Variants in LNPEP observed in about 807,000 individuals in gnomAD.
LNPEP encodes the protein leucyl-cystinyl aminopeptidase.
Under a neutral mutation model 120.6 loss-of-function variants are expected in LNPEP, and 64 were observed. That is an observed-to-expected ratio of 0.53 (90% CI 0.43 to 0.65). The LOEUF is 0.65. Among genes scored for constraint, LNPEP ranks in the 30% least tolerant of loss-of-function variants. The probability of loss-of-function intolerance (pLI) is 0.00; values close to 1 mark genes in which losing one functional copy is unlikely to be tolerated. For synonymous variants in LNPEP, 435 were observed against 425.4 expected, an observed-to-expected ratio of 1.02 and a Z score of -0.28; for missense variants, 1,057 against 1,200.0, an observed-to-expected ratio of 0.88 and a Z score of 1.76.
At chr5:96,983,074 G>C (rs997926579) in intron 2 of LNPEP, among the ~76,000 whole-genome samples, 7 of 152,140 alleles carry the variant, frequency 4.6e-5, no homozygotes, top group Admixed American at 3.3e-4. Flanking sequence ...AAGGACGTTG[G>C]GATGTATGAG....
intron 13 of LNPEP, among the ~76,000 whole-genome samples, 183 bp downstream of exon 13, chr5:97,015,278 T>C (rs1218942868): frequency 2.6e-5 from 4 of 152,258 alleles, no homozygotes; most frequent in Admixed American, 2.6e-4. Flanking sequence ...GATAAAGGCT[T>C]AGTATGATAT....
intron 1 of LNPEP, among the ~76,000 whole-genome samples, chr5:96,970,453 A>G (rs932137627): frequency 2.0e-5 from 3 of 152,002 alleles, no homozygotes; most frequent in Non-Finnish European, 4.4e-5. Context: ...CAGACAGTGT[A>G]TATAGTTGTT....
intron 11 of LNPEP, among the ~76,000 whole-genome samples, chr5:97,010,025 G>C (rs1414808103): frequency 6.6e-6 from 1 of 152,020 alleles, no homozygotes; most frequent in Non-Finnish European, 1.5e-5. Flanking sequence ...CATTAGTTCA[G>C]TTGTATATAA....
intron 1 of LNPEP, among the ~76,000 whole-genome samples, chr5:96,975,822 C>A (rs1581996926): frequency 6.6e-6 from 1 of 152,242 alleles, no homozygotes; most frequent in South Asian, 2.1e-4. Flanking sequence ...CACACTTTTG[C>A]ACATTGGCAC....
intron 16 of LNPEP, 96 bp from the exon 17 acceptor site, chr5:97,027,637 T>G (rs1393994774): frequency 1.7e-5 from 13 of 758,416 alleles, no homozygotes; most frequent in Non-Finnish European, 2.7e-5. Flanking sequence ...AGGATTCCAC[T>G]CTGGCTTTGG....
chr5:96,941,380 A>T (rs1331092623), intron 1 of LNPEP, among the ~76,000 whole-genome samples: 2 of 152,192 alleles, frequency 1.3e-5, no homozygotes, highest in Non-Finnish European at 2.9e-5. Context: ...GGGTTGGGCA[A>T]ACCTACTGTA....
chr5:96,964,604 A>G (rs1581989219), intron 1 of LNPEP, among the ~76,000 whole-genome samples: 1 of 152,010 alleles, frequency 6.6e-6, no homozygotes, highest in African/African-American at 2.4e-5. Context: ...TTTTTTTGCT[A>G]TGTAAACTAT....
chr5:96,991,491 T>C (rs1451688286), intron 4 of LNPEP, among the ~76,000 whole-genome samples: 1 of 152,202 alleles, frequency 6.6e-6, no homozygotes, highest in African/African-American at 2.4e-5. Context: ...TTTTTTTGGT[T>C]ATGGCCATTT....
intron 1 of LNPEP, among the ~76,000 whole-genome samples, chr5:96,954,770 ATATTTTTTTT>A (rs1789418343): frequency 1.4e-4 from 4 of 29,486 alleles, no homozygotes; most frequent in East Asian, 1.0e-3. Flanking sequence ...ATATATATAT[ATATTTTTTTT>A]TTTTTTTTTT....
intron 4 of LNPEP, among the ~76,000 whole-genome samples, chr5:96,988,006 T>C (rs1790281695): frequency 6.6e-6 from 1 of 152,222 alleles, no homozygotes; most frequent in Non-Finnish European, 1.5e-5. Flanking sequence ...AATCATTCCC[T>C]CTCTGATCTT....
At chr5:96,958,158 G>T (rs562292197) in intron 1 of LNPEP, among the ~76,000 whole-genome samples, 28 of 152,310 alleles carry the variant, frequency 1.8e-4, no homozygotes, top group African/African-American at 6.3e-4. Context: ...TGTGTGTTTT[G>T]CTTCAGCAAG....
Position 97,030,569 on chromosome 5 carries a change from AT to A in LNPEP, c.*2037del, listed in dbSNP as rs1791447305. 6.6e-6 allele frequency: 1 copy of A among 151,526 alleles called. No individual in the cohort carries two copies. The highest frequency in any genetic ancestry group is 1.5e-5 in the Non-Finnish European group (1 of 67,946). The allele number at this position is 151,526 out of a possible 1,614,324, so 9.4% of individuals were successfully genotyped here. Reference sequence around the variant, plus strand: ...TAATGTATGTTAGTTAACTCTGCATATGGCAAATCTTGTCTTGAATTATATC... The same window carrying A: ...TAATGTATGTTAGTTAACTCTGCATAGGCAAATCTTGTCTTGAATTATATC... On this transcript the variant is annotated 3_prime_UTR_variant, in exon 18 of 18. Coordinates refer to ENST00000231368, the MANE Select transcript of LNPEP (RefSeq NM_005575.3).
At chr5:96,954,661 TATATACATATATACAC>T (rs1186155998) in intron 1 of LNPEP, among the ~76,000 whole-genome samples, 4 of 115,230 alleles carry the variant, frequency 3.5e-5, no homozygotes, top group South Asian at 2.6e-4. Flanking sequence ...TATATACACA[TATATACATATATACAC>T]ATATATACAT....
chr5:96,940,559 TAAA>T (rs1012707724), intron 1 of LNPEP, among the ~76,000 whole-genome samples: 2 of 151,896 alleles, frequency 1.3e-5, no homozygotes, highest in Admixed American at 6.6e-5. Context: ...ACAGAAGAAA[TAAA>T]AAAGCAATAA....
At chr5:96,993,653 A>G (rs924508466) in intron 5 of LNPEP, among the ~76,000 whole-genome samples, 164 bp from the exon 6 acceptor site, 1 of 152,218 alleles carries the variant, frequency 6.6e-6, no homozygotes, top group Non-Finnish European at 1.5e-5. Context: ...CTCAGCTGAC[A>G]TGTGGGTAGA....
intron 1 of LNPEP, among the ~76,000 whole-genome samples, chr5:96,976,255 A>C (rs768895437): frequency 3.1e-4 from 47 of 152,124 alleles, no homozygotes; most frequent in Non-Finnish European, 6.2e-4. Flanking sequence ...CAAAAAAAAA[A>C]CTGTGCTTCT....
Position 96,996,411 on chromosome 5 carries a change from A to G in LNPEP, c.1429A>G (p.Met477Val). The stretch of plus-strand genomic sequence containing the variant: ...CCAGTGGTTTGGCAATCTGGTAACA[A>G]TGAAGTGGTGGAATGACCTATGGCT... The part of the protein sequence containing the change: ...AHQWFGNLVT[M>V]KWWNDLWLNE... The change falls in exon 7 of 18, where the codon ATG becomes GTG. Residue 477 changes from methionine (M) to valine (V), a missense_variant. Coordinates refer to ENST00000231368, the MANE Select transcript of LNPEP (RefSeq NM_005575.3). The G allele has an allele frequency of 1.2e-6, 2 of 1,609,612 alleles. No individual in the cohort carries two copies. Among genetic ancestry groups the G allele is most frequent in the Non-Finnish European group, 1.7e-6 (2 of 1,176,146 alleles).
At chr5:96,973,829 T>G (rs746718588) in intron 1 of LNPEP, among the ~76,000 whole-genome samples, 17 of 152,296 alleles carry the variant, frequency 1.1e-4, no homozygotes, top group Non-Finnish European at 2.1e-4. Context: ...AGTTTGCTTC[T>G]TTTAGTTCAA....
chr5:96,944,807 A>T (rs1298082954), intron 1 of LNPEP, among the ~76,000 whole-genome samples: 3 of 151,820 alleles, frequency 2.0e-5, no homozygotes, highest in Non-Finnish European at 4.4e-5. Flanking sequence ...CCTGGCCTCA[A>T]GTCATCACCC....
Sources: allele counts gnomAD v4.1 joint callset (sites outside exome capture counted in the v4.1 genomes callset), GRCh38; gene constraint gnomAD v4.1.1; transcripts MANE v1.5; gene names NCBI Gene and HGNC (gene_info 2026-07-23, HGNC 2026-07-21).